The following XIRP2 variants were observed in gnomAD, a reference collection of about 807,000 sequenced individuals.
XIRP2 encodes xin actin binding repeat containing 2, also known as xin actin-binding repeat-containing protein 2.
XIRP2 carries 236 observed loss-of-function variants against 277.0 expected under a neutral mutation model. The ratio of observed to expected loss-of-function variants is 0.85; its 90% CI spans 0.77 to 0.95. The LOEUF is 0.95. XIRP2 is among the 40% of genes least tolerant of loss of function. The probability of loss-of-function intolerance (pLI) is 0.00; values close to 1 mark genes in which losing one functional copy is unlikely to be tolerated. For synonymous variants in XIRP2, 1,490 were observed against 1,416.5 expected (o/e 1.05, Z -1.17); for missense variants, 4,640 against 4,157.5 (o/e 1.12, Z -3.19).
At chr2:167,214,476 CAAA>C (rs569699283) in intron 4 of XIRP2, among the ~76,000 whole-genome samples, 2,485 of 84,634 alleles carry the variant, frequency 0.029, 70 homozygotes, top group African/African-American at 0.083. Flanking sequence ...GACTCCATCT[CAAA>C]AAAAAAAAAA....
intron 2 of XIRP2, among the ~76,000 whole-genome samples, chr2:167,125,776 A>T (rs1691183501): frequency 6.6e-6 from 1 of 152,106 alleles, no homozygotes; most frequent in Admixed American, 6.6e-5. Flanking sequence ...TACCTCCAAA[A>T]TTTGGTTATT....
At chr2:166,917,505 A>G (rs1350355323) in intron 2 of XIRP2, among the ~76,000 whole-genome samples, 1 of 152,182 alleles carries the variant, frequency 6.6e-6, no homozygotes, top group Non-Finnish European at 1.5e-5. Flanking sequence ...AGAAAAAGAA[A>G]TAGCTGGCAA....
rs747470716 is a variant in XIRP2 at position 167,257,968 on chromosome 2, A to G, written c.*151A>G. 2 of 1,613,164 alleles carry G rather than the reference A, an allele frequency of 1.2e-6. No individual in the cohort carries two copies. The highest frequency in any genetic ancestry group is 1.1e-5 in the South Asian group (1 of 91,060). Reference sequence around the variant, plus strand: ...AAGGTTTTGGACATAAGCAGCATAAAGATAGATGGAACTGCAAAAACCAAA... The same window carrying G: ...AAGGTTTTGGACATAAGCAGCATAAGGATAGATGGAACTGCAAAAACCAAA... On this transcript the variant is annotated 3_prime_UTR_variant, in exon 11 of 11. Coordinates refer to ENST00000409195, the MANE Select transcript of XIRP2 (RefSeq NM_152381.6).
chr2:167,202,888 G>C (rs1018772070), intron 3 of XIRP2, among the ~76,000 whole-genome samples: 1 of 152,160 alleles, frequency 6.6e-6, no homozygotes, highest in Admixed American at 6.5e-5. Flanking sequence ...GGGAGAATCT[G>C]CTTCTTTGCC....
At chr2:166,946,991 C>A (rs986064713) in intron 2 of XIRP2, among the ~76,000 whole-genome samples, 6 of 151,968 alleles carry the variant, frequency 3.9e-5, no homozygotes, top group Non-Finnish European at 8.8e-5. Context: ...AAGGCATAGC[C>A]CCCACATTGT....
chr2:167,246,002 T>A lies in XIRP2; in HGVS notation c.4610T>A (p.Phe1537Tyr). The stretch of plus-strand genomic sequence containing the variant: ...TTTGAAACAACACCACTTCATGAAT[T>A]TAATGAAACTAGAGTAGAAAAGATA... Reference protein sequence around the residue: ...WLFETTPLHEFNETRVEKIEI... With the variant: ...WLFETTPLHEYNETRVEKIEI... The change falls in exon 9 of 11, where the codon TTT becomes TAT. Residue 1537 changes from phenylalanine (F) to tyrosine (Y), a missense_variant. Phe to Tyr is a conservative substitution (Grantham distance 22). Transcript: ENST00000409195. The A allele has an allele frequency of 6.2e-7, 1 of 1,613,172 alleles. No individual in the cohort carries two copies. The highest frequency in any genetic ancestry group is 1.1e-5 in the South Asian group (1 of 90,938).
intron 2 of XIRP2, among the ~76,000 whole-genome samples, chr2:166,997,114 A>C (rs1468474108): frequency 6.6e-6 from 1 of 152,182 alleles, no homozygotes; most frequent in Non-Finnish European, 1.5e-5. Context: ...ATTTGGTATG[A>C]TCATACCTTC....
At chr2:166,967,512 T>C (rs1686464171) in intron 2 of XIRP2, among the ~76,000 whole-genome samples, 1 of 151,902 alleles carries the variant, frequency 6.6e-6, no homozygotes, top group Admixed American at 6.6e-5. Flanking sequence ...GGAGCAATAC[T>C]TTTACCATTT....
chr2:167,053,680 C>T (rs1008985413), intron 2 of XIRP2, among the ~76,000 whole-genome samples: 3 of 152,092 alleles, frequency 2.0e-5, no homozygotes, highest in African/African-American at 7.2e-5. Context: ...GTACTTCATA[C>T]CAATTTTAAT....
At chr2:167,169,162 A>G (rs983583268) in intron 3 of XIRP2, among the ~76,000 whole-genome samples, 1 of 152,200 alleles carries the variant, frequency 6.6e-6, no homozygotes, top group African/African-American at 2.4e-5. Context: ...CTCTGGTTAA[A>G]TAGTTTCTCC....
intron 2 of XIRP2, among the ~76,000 whole-genome samples, chr2:166,938,303 C>G (rs1234642713): frequency 6.6e-6 from 1 of 152,080 alleles, no homozygotes; most frequent in African/African-American, 2.4e-5. Context: ...TGTCTTTGTT[C>G]TTGTTGGTTT....
chr2:167,172,927 T>G (rs552030010), intron 3 of XIRP2, among the ~76,000 whole-genome samples: 2 of 152,182 alleles, frequency 1.3e-5, no homozygotes, highest in South Asian at 2.1e-4. Flanking sequence ...CCATGAAATC[T>G]TCACAATTTA....
chr2:166,964,162 G>A (rs1420444791), intron 2 of XIRP2, among the ~76,000 whole-genome samples: 1 of 151,810 alleles, frequency 6.6e-6, no homozygotes, highest in South Asian at 2.1e-4. Context: ...CATTGATTAT[G>A]AGTATATGGA....
intron 2 of XIRP2, among the ~76,000 whole-genome samples, chr2:167,007,769 A>G (rs1157823193): frequency 6.6e-6 from 1 of 150,534 alleles, no homozygotes; most frequent in African/African-American, 2.4e-5. Flanking sequence ...AAAATATTGA[A>G]TTATCTTTTC....
chr2:167,061,795 T>C (rs1488455591), intron 2 of XIRP2, among the ~76,000 whole-genome samples: 1 of 151,946 alleles, frequency 6.6e-6, no homozygotes. Flanking sequence ...CACCGAAAGC[T>C]AGGAAAAGGC....
At chr2:167,069,017 T>A (rs1050087478) in intron 2 of XIRP2, among the ~76,000 whole-genome samples, 24 of 152,154 alleles carry the variant, frequency 1.6e-4, no homozygotes, top group African/African-American at 5.5e-4. Flanking sequence ...GTTATAGTTG[T>A]CCCTCAATAT....
chr2:167,190,132 C>A (rs76498631), intron 3 of XIRP2, among the ~76,000 whole-genome samples: 1 of 152,208 alleles, frequency 6.6e-6, no homozygotes, highest in Non-Finnish European at 1.5e-5. Flanking sequence ...TTTCTTCTAA[C>A]GAGCTATCCC....
In XIRP2 at chr2:167,250,106, A is replaced by G. The variant is rs369950603; in HGVS notation, c.8714A>G (p.Gln2905Arg). The G allele has an allele frequency of 2.7e-5, 43 of 1,613,284 alleles. No homozygotes were observed. Among genetic ancestry groups the G allele is most frequent in the African/African-American group, 5.3e-5 (4 of 74,808 alleles). Residue 2905 changes from glutamine to arginine, a missense_variant, in exon 9 of 11, where the codon CAA becomes CGA. Coordinates refer to ENST00000409195, the MANE Select transcript of XIRP2 (RefSeq NM_152381.6). ...AAATGTCTCGAAGTCAAGGGCATAC[A>G]AGAGAAACAAGTCTTCTCTAATACT... is the stretch of plus-strand genomic sequence containing the variant. The part of the protein sequence containing the change: ...EEKCLEVKGI[Q>R]EKQVFSNTKD...
chr2:167,065,707 A>C (rs1194827648), intron 2 of XIRP2, among the ~76,000 whole-genome samples: 1 of 151,972 alleles, frequency 6.6e-6, no homozygotes, highest in Non-Finnish European at 1.5e-5. Context: ...TATGAGATCC[A>C]AATTTCCATC....
Sources: allele counts gnomAD v4.1 joint callset (sites outside exome capture counted in the v4.1 genomes callset), GRCh38; gene constraint gnomAD v4.1.1; transcripts MANE v1.5; gene names NCBI Gene and HGNC (gene_info 2026-07-23, HGNC 2026-07-21).